The following HOOK3 variants were observed in gnomAD, a reference collection of about 807,000 sequenced individuals.
HOOK3 encodes protein Hook homolog 3.
HOOK3 carries 24 observed loss-of-function variants against 116.3 expected under a neutral mutation model. That is an observed-to-expected ratio of 0.21 (90% CI 0.15 to 0.29). The LOEUF is 0.29. Among genes scored for constraint, HOOK3 ranks in the 10% least tolerant of loss-of-function variants. HOOK3 has a pLI of 1.00. For missense variants in HOOK3, 632 were observed against 830.2 expected, an observed-to-expected ratio of 0.76 and a Z score of 2.93; for synonymous variants, 275 against 283.0, an observed-to-expected ratio of 0.97 and a Z score of 0.28.
At chr8:42,909,989 G>A (rs1625050) in intron 2 of HOOK3, among the ~76,000 whole-genome samples, 19,149 of 152,132 alleles carry the variant, frequency 0.13, 2,037 homozygotes, top group African/African-American at 0.27. Context: ...TCTGTTAGGA[G>A]GAATACATTT....
Position 42,903,641 on chromosome 8 carries a change from C to A in HOOK3, c.58-2532C>A, listed in dbSNP as rs1446148088. 2.0e-5 allele frequency among the ~76,000 whole-genome samples: 3 copies of A among 150,824 alleles called. No homozygotes were observed. The East Asian group carries it at 6.1e-4, about 30-fold the overall frequency. ...TACAGACATGAGCCACCGTGCCCGG[C>A]CAATAGTTGTCTTTTAAAGATTTGA... On this transcript the variant is annotated intron_variant, in intron 1 of 21. Coordinates refer to ENST00000307602, the MANE Select transcript of HOOK3 (RefSeq NM_032410.4).
At chr8:42,920,368 C>T (rs766068596) in intron 2 of HOOK3, among the ~76,000 whole-genome samples, 17 of 152,144 alleles carry the variant, frequency 1.1e-4, no homozygotes, top group Admixed American at 1.3e-4. Flanking sequence ...TAAATGCCTG[C>T]GTATATGGCT....
intron 14 of HOOK3, among the ~76,000 whole-genome samples, chr8:42,983,739 G>A (rs564620683): frequency 6.6e-6 from 1 of 152,212 alleles, no homozygotes; most frequent in African/African-American, 2.4e-5. Flanking sequence ...CCCTCCCAAA[G>A]TGCTGGGATT....
intron 21 of HOOK3, among the ~76,000 whole-genome samples, chr8:43,017,179 G>A (rs1243148043): frequency 6.6e-6 from 1 of 151,982 alleles, no homozygotes; most frequent in Non-Finnish European, 1.5e-5. Flanking sequence ...TTTCTTCCTT[G>A]CTGCCAGCTT....
At chr8:42,934,057 T>C (rs1414343009) in intron 4 of HOOK3, among the ~76,000 whole-genome samples, 1 of 151,910 alleles carries the variant, frequency 6.6e-6, no homozygotes, top group East Asian at 1.9e-4. Context: ...TTATTTATTT[T>C]ATCTCATTTA....
chr8:42,934,746 G>C (rs1004492328), intron 4 of HOOK3, among the ~76,000 whole-genome samples: 4 of 152,092 alleles, frequency 2.6e-5, no homozygotes, highest in Non-Finnish European at 5.9e-5. Context: ...TGGCTGCATG[G>C]TATTCCATGG....
rs1809312289 is a variant in HOOK3 at position 42,997,994 on chromosome 8, A to C, written c.1620+357A>C. ...TGGGAATTTGGAGTGTTCAAGTAGA[A>C]ATTTTTAATGTAACAGTGACTTTAA... On this transcript the variant is annotated intron_variant, in intron 16 of 21. Coordinates refer to ENST00000307602, the MANE Select transcript of HOOK3 (RefSeq NM_032410.4). The C allele has an allele frequency of 1.7e-5, 4 of 241,296 alleles. No individual in the cohort carries two copies. The South Asian group carries it at 2.0e-4, about 12-fold the overall frequency. The allele number at this position is 241,296 out of a possible 1,614,324, so 14.9% of individuals were successfully genotyped here. A position where few individuals can be genotyped will look rare whatever the true frequency, so the allele number is the denominator to read the frequency against.
chr8:42,902,485 TG>T (rs1418761061), intron 1 of HOOK3, among the ~76,000 whole-genome samples: 1 of 152,074 alleles, frequency 6.6e-6, no homozygotes, highest in Non-Finnish European at 1.5e-5. Context: ...TTTTTCAGCA[TG>T]GTCTCGAATT....
chr8:42,922,347 G>A (rs1023030782), intron 2 of HOOK3, among the ~76,000 whole-genome samples: 3 of 151,600 alleles, frequency 2.0e-5, no homozygotes, highest in Non-Finnish European at 4.4e-5. Flanking sequence ...TTTGAGACCA[G>A]CCTGAGCAAC....
At chr8:42,939,581 C>T (rs1453710818) in intron 4 of HOOK3, among the ~76,000 whole-genome samples, 6 of 144,994 alleles carry the variant, frequency 4.1e-5, no homozygotes, top group Non-Finnish European at 9.2e-5. Context: ...GCTGACCCCC[C>T]CACCTCCCTC....
At chr8:42,993,833 A>C (rs921440973) in intron 15 of HOOK3, among the ~76,000 whole-genome samples, 1 of 152,058 alleles carries the variant, frequency 6.6e-6, no homozygotes, top group African/African-American at 2.4e-5. Flanking sequence ...TTTCTCCGGT[A>C]TCAGTTGTAA....
At chr8:43,009,380 A>G (rs1490514475) in intron 18 of HOOK3, among the ~76,000 whole-genome samples, 1 of 151,682 alleles carries the variant, frequency 6.6e-6, no homozygotes, top group Non-Finnish European at 1.5e-5. Context: ...TGCTCCAGTG[A>G]GACTGTCTCC....
rs1409161210 is a variant in HOOK3, at chr8:42,922,525, C to G, written c.144-3032C>G. On this transcript the variant is annotated intron_variant, in intron 2 of 21. Transcript: ENST00000307602. Reference sequence around the variant, plus strand: ...TGAACTGTGATCATGCCATTTCACTCCAGCCTGGGCAACAGAGTGGGAACC... The same window carrying G: ...TGAACTGTGATCATGCCATTTCACTGCAGCCTGGGCAACAGAGTGGGAACC... Among the ~76,000 whole-genome samples, 6 of 152,164 alleles carry G rather than the reference C, an allele frequency of 3.9e-5. No homozygotes were observed. The East Asian group carries it at 1.2e-3, about 29-fold the overall frequency.
At chr8:42,946,323 A>G (rs17622732) in intron 5 of HOOK3, among the ~76,000 whole-genome samples, 7,372 of 152,226 alleles carry the variant, frequency 0.048, 239 homozygotes, top group South Asian at 0.087. Flanking sequence ...ATGGAAGACA[A>G]TGGGTTAAGA....
At chr8:42,936,457 T>C (rs994753334) in intron 4 of HOOK3, among the ~76,000 whole-genome samples, 2 of 152,218 alleles carry the variant, frequency 1.3e-5, no homozygotes, top group African/African-American at 2.4e-5. Flanking sequence ...AGGACATCCT[T>C]GTCTTGTGCC....
rs1807000352 is a variant in HOOK3 at position 42,897,110 on chromosome 8, C to T, written c.-22C>T. 2 of 1,241,866 alleles carry T rather than the reference C, an allele frequency of 1.6e-6. No individual in the cohort carries two copies. Among genetic ancestry groups the T allele is most frequent in the East Asian group, 3.2e-5 (1 of 31,662 alleles). The allele number at this position is 1,241,866 out of a possible 1,614,324, so 76.9% of individuals were successfully genotyped here. A position where few individuals can be genotyped will look rare whatever the true frequency, so the allele number is the denominator to read the frequency against. On this transcript the variant is annotated 5_prime_UTR_variant, in exon 1 of 22. Coordinates refer to ENST00000307602, the MANE Select transcript of HOOK3 (RefSeq NM_032410.4). ...GCGGTGTCTGGCCAGGCGGTAGGCG[C>T]TGCCTGGCCGCGGCGGGGAAGATGT... is the stretch of plus-strand genomic sequence containing the variant.
intron 4 of HOOK3, among the ~76,000 whole-genome samples, chr8:42,935,810 G>A (rs1053245401): frequency 1.3e-5 from 2 of 152,186 alleles, no homozygotes; most frequent in African/African-American, 4.8e-5. Context: ...AGTATAGTTT[G>A]AAGTCAGGTA....
At chr8:42,940,355 G>A (rs560712260) in intron 4 of HOOK3, among the ~76,000 whole-genome samples, 35 of 152,338 alleles carry the variant, frequency 2.3e-4, no homozygotes, top group Middle Eastern at 3.4e-3. Context: ...GGCGGCGCGC[G>A]CCCGCAATCG....
In HOOK3 at chr8:42,972,929, T is replaced by A. The variant is rs150931579; in HGVS notation, c.1123-360T>A. 2.2e-4 allele frequency among the ~76,000 whole-genome samples: 34 copies of A among 152,318 alleles called. No individual in the cohort carries two copies. In the East Asian group the frequency reaches 6.0e-3, roughly 27 times the overall value. On this transcript the variant is annotated intron_variant, in intron 11 of 21. Coordinates refer to ENST00000307602, the MANE Select transcript of HOOK3 (RefSeq NM_032410.4). The stretch of plus-strand genomic sequence containing the variant: ...CATTCTGGTTTTAATCTCTGAGGAT[T>A]TCCCTTATTTTCTTGTAAGCTTAGC...
Sources: gnomAD v4.1 joint callset for allele counts (sites outside exome capture counted in the v4.1 genomes callset) on GRCh38, gnomAD v4.1.1 for gene constraint, MANE v1.5 for transcripts, NCBI Gene and HGNC (gene_info 2026-07-23, HGNC 2026-07-21) for gene names.